Variants in PCDH11X observed in about 807,000 individuals in gnomAD.
PCDH11X encodes protocadherin 11 X-linked, also known as protocadherin-11 X-linked.
PCDH11X carries 18 observed loss-of-function variants against 53.3 expected under a neutral mutation model. That is an observed-to-expected ratio of 0.34 (90% CI 0.23 to 0.50). The LOEUF is 0.50. Among genes scored for constraint, PCDH11X ranks in the 20% least tolerant of loss-of-function variants. PCDH11X has a pLI of 0.98. For synonymous variants in PCDH11X, 279 were observed against 393.3 expected (o/e 0.71, Z 3.44); for missense variants, 570 against 1,032.4 (o/e 0.55, Z 6.14).
intron 10 of PCDH11X, among the ~76,000 whole-genome samples, chrX:92,484,687 C>T (rs1328149290): frequency 3.6e-5 from 4 of 109,963 alleles, no homozygotes; most frequent in South Asian, 3.9e-4. Context: ...GCTATGAGGA[C>T]GCAAAGACAT....
intron 10 of PCDH11X, among the ~76,000 whole-genome samples, chrX:92,605,970 G>A (rs989164249): frequency 2.7e-5 from 3 of 110,739 alleles, no homozygotes; most frequent in South Asian, 7.6e-4. Context: ...AGTGGCTGAC[G>A]CCTGTAATCC....
chrX:92,017,093 A>C (rs2147991952), intron 6 of PCDH11X, among the ~76,000 whole-genome samples: 1 of 100,785 alleles, frequency 9.9e-6, no homozygotes, highest in African/African-American at 3.6e-5. Context: ...AACAGACAGG[A>C]CATTCATCAA....
chrX:92,303,887 A>G (rs931212699), intron 8 of PCDH11X, among the ~76,000 whole-genome samples: 2 of 110,202 alleles, frequency 1.8e-5, no homozygotes, highest in African/African-American at 6.6e-5. Context: ...CAAGATAAAC[A>G]GTTCTTAAAT....
intron 6 of PCDH11X, among the ~76,000 whole-genome samples, chrX:92,164,334 C>T (rs111599755): frequency 0.054 from 6,065 of 111,834 alleles, 444 homozygotes; most frequent in African/African-American, 0.19. Context: ...AGTAGAAAAC[C>T]GTTAAGGAGG....
At chrX:92,192,738 G>A (rs2066218778) in intron 6 of PCDH11X, among the ~76,000 whole-genome samples, 1 of 109,606 alleles carries the variant, frequency 9.1e-6, no homozygotes, top group African/African-American at 3.3e-5. Flanking sequence ...TTTTGTGGTG[G>A]TTGTTGTTGT....
At chrX:92,016,761 A>G (rs2062800967) in intron 6 of PCDH11X, among the ~76,000 whole-genome samples, 1 of 111,727 alleles carries the variant, frequency 9.0e-6, no homozygotes, top group South Asian at 3.7e-4. Context: ...TTCACTTTCT[A>G]TCATTTTTGT....
At chrX:91,867,172 T>C (rs1229914740) in intron 5 of PCDH11X, among the ~76,000 whole-genome samples, 1 of 111,789 alleles carries the variant, frequency 8.9e-6, no homozygotes, top group Non-Finnish European at 1.9e-5. Flanking sequence ...TTATATTGTA[T>C]TGATGCCCTG....
chrX:92,245,804 A>G (rs1288269467), intron 7 of PCDH11X, among the ~76,000 whole-genome samples: 2 of 112,072 alleles, frequency 1.8e-5, no homozygotes, highest in Admixed American at 1.9e-4. Flanking sequence ...TTGATTAACC[A>G]TGGGGAAAGT....
chrX:92,559,046 A>G (rs979090399), intron 10 of PCDH11X, among the ~76,000 whole-genome samples: 7 of 111,239 alleles, frequency 6.3e-5, no homozygotes, highest in Non-Finnish European at 1.3e-4. Context: ...TCCATTGGGC[A>G]TGTAGTTGAT....
chrX:92,471,478 A>G (rs1333713262), intron 10 of PCDH11X, among the ~76,000 whole-genome samples: 1 of 106,671 alleles, frequency 9.4e-6, no homozygotes, highest in Admixed American at 1.0e-4. Context: ...TCCATGGTGT[A>G]TATGTACCAC....
At chrX:92,301,873 A>G (rs892178681) in intron 8 of PCDH11X, among the ~76,000 whole-genome samples, 6 of 110,275 alleles carry the variant, frequency 5.4e-5, no homozygotes, top group Admixed American at 4.8e-4. Flanking sequence ...AACGTTTGGT[A>G]GAATTCAACA....
chrX:92,097,707 T>G (rs1011477754), intron 6 of PCDH11X, among the ~76,000 whole-genome samples: 3 of 110,448 alleles, frequency 2.7e-5, no homozygotes, highest in African/African-American at 9.9e-5. Flanking sequence ...TTTATGTATC[T>G]GCTATATATA....
At chrX:92,109,136 G>A (rs1057449923) in intron 6 of PCDH11X, among the ~76,000 whole-genome samples, 1 of 111,291 alleles carries the variant, frequency 9.0e-6, no homozygotes, top group Non-Finnish European at 1.9e-5. Flanking sequence ...TGTAATCCCA[G>A]CACTTTGGGA....
At chrX:92,551,077 T>C (rs918578079) in intron 10 of PCDH11X, among the ~76,000 whole-genome samples, 13 of 111,071 alleles carry the variant, frequency 1.2e-4, no homozygotes, top group Non-Finnish European at 1.9e-4. Context: ...GATATACTGA[T>C]TTCCTTTCTT....
intron 6 of PCDH11X, among the ~76,000 whole-genome samples, chrX:92,184,968 T>C (rs781733231): frequency 9.0e-6 from 1 of 111,691 alleles, no homozygotes; most frequent in South Asian, 3.7e-4. Flanking sequence ...AAATAAGCTT[T>C]CTCCCAGATA....
intron 8 of PCDH11X, among the ~76,000 whole-genome samples, chrX:92,295,808 C>T (rs1468908425): frequency 9.7e-6 from 1 of 103,413 alleles, no homozygotes; most frequent in African/African-American, 3.5e-5. Flanking sequence ...GGTTGGGCAC[C>T]GTGGCTCATG....
chrX:92,339,643 C>T (rs2069705075), intron 8 of PCDH11X, among the ~76,000 whole-genome samples: 1 of 109,236 alleles, frequency 9.2e-6, no homozygotes, highest in Non-Finnish European at 1.9e-5. Context: ...ATAGCCAGAT[C>T]TGACAAGAAG....
intron 7 of PCDH11X, among the ~76,000 whole-genome samples, chrX:92,230,458 TAA>T (rs1358247975): frequency 3.3e-5 from 3 of 89,558 alleles, no homozygotes; most frequent in African/African-American, 1.2e-4. Context: ...ATATAATTTA[TAA>T]AATATATATT....
At chrX:92,489,170 T>A (rs1470927690) in intron 10 of PCDH11X, among the ~76,000 whole-genome samples, 2 of 110,149 alleles carry the variant, frequency 1.8e-5, no homozygotes, top group Non-Finnish European at 3.8e-5. Context: ...TGGCATTTTT[T>A]AAAGTATAGT....
Sources: allele counts gnomAD v4.1 joint callset (sites outside exome capture counted in the v4.1 genomes callset), GRCh38; gene constraint gnomAD v4.1.1; transcripts MANE v1.5; gene names NCBI Gene and HGNC (gene_info 2026-07-23, HGNC 2026-07-21).